Variants in PHKG1 observed in about 807,000 individuals in gnomAD.
The protein encoded by PHKG1 is phosphorylase b kinase gamma catalytic chain, skeletal muscle/heart isoform.
PHKG1 carries 48 observed loss-of-function variants against 50.5 expected under a neutral mutation model. The observed-to-expected ratio is 0.95, with a 90% CI of 0.75 to 1.21. PHKG1 has a LOEUF of 1.21. Ranked by LOEUF, PHKG1 falls within the 50% of genes most tolerant of loss-of-function variation. The probability of loss-of-function intolerance (pLI) is 0.00; values close to 1 mark genes in which losing one functional copy is unlikely to be tolerated. For missense variants in PHKG1, 487 were observed against 519.5 expected (o/e 0.94, Z 0.61); for synonymous variants, 204 against 212.8 (o/e 0.96, Z 0.36).
intron 1 of PHKG1, among the ~76,000 whole-genome samples, chr7:56,091,009 C>G (rs180727861): frequency 8.4e-4 from 128 of 152,014 alleles, no homozygotes; most frequent in African/African-American, 3.0e-3. Flanking sequence ...GTCAGGAGTT[C>G]GAGACCAGCC....
Position 56,081,342 on chromosome 7 carries a change from G to T in PHKG1, c.919-43C>A, listed in dbSNP as rs754561688. 3.2e-6 allele frequency: 5 copies of T among 1,563,524 alleles called. No individual in the cohort carries two copies. Among genetic ancestry groups the T allele is most frequent in the South Asian group, 1.1e-5 (1 of 87,910 alleles). On this transcript the variant is annotated intron_variant, in intron 9 of 9. Transcript: ENST00000297373. The surrounding 1 kb of genome is among the most constrained non-coding windows in gnomAD (Gnocchi z 4.6). ...GAAGCTGGGCTGCAGCCCCCGCCCT[G>T]CCAGGCCCTGCCCCTCCAGCACAGG... is the stretch of plus-strand genomic sequence containing the variant.
Position 56,080,756 on chromosome 7 carries a change from A to T in PHKG1, c.*298T>A. 6.8e-6 allele frequency: 3 copies of T among 440,278 alleles called. No individual in the cohort carries two copies. The South Asian group carries it at 7.8e-5, about 11-fold the overall frequency. 27.3% of individuals were successfully genotyped at this position (440,278 alleles called of 1,614,324 possible). A position where few individuals can be genotyped will look rare whatever the true frequency, so the allele number is the denominator to read the frequency against. On this transcript the variant is annotated 3_prime_UTR_variant, in exon 10 of 10. Coordinates refer to ENST00000297373, the MANE Select transcript of PHKG1 (RefSeq NM_006213.5). ...AACTCTGGGCCTCCCCTAAAGAGAA[A>T]TGGAGATGGTGGCTCATCTAGGAAG...
intron 4 of PHKG1, among the ~76,000 whole-genome samples, chr7:56,086,475 G>GT (rs1024628424): frequency 2.7e-4 from 41 of 151,722 alleles, no homozygotes; most frequent in African/African-American, 8.7e-4. Flanking sequence ...GAGTTTTGGG[G>GT]TTTTTTTTGT....
chr7:56,084,158 C>T, intron 4 of PHKG1: 1 of 1,528,492 alleles, frequency 6.5e-7, no homozygotes, highest in Non-Finnish European at 8.8e-7. Flanking sequence ...CCTTGCCCTG[C>T]CCTGGGCCCT....
At chr7:56,087,918 G>T in intron 2 of PHKG1, 142 bp from the exon 3 acceptor site, 1 of 629,338 alleles carries the variant, frequency 1.6e-6, no homozygotes, top group Non-Finnish European at 2.7e-6. Context: ...GGAAATGGTG[G>T]ATGAATAAAT....
intron 4 of PHKG1, among the ~76,000 whole-genome samples, chr7:56,084,902 T>G (rs1393574883): frequency 6.6e-6 from 1 of 152,168 alleles, no homozygotes; most frequent in Non-Finnish European, 1.5e-5. Flanking sequence ...TAAAGACATT[T>G]GAGCTGTCCC....
chr7:56,090,243 A>G (rs190854761), intron 1 of PHKG1, among the ~76,000 whole-genome samples: 5 of 152,090 alleles, frequency 3.3e-5, no homozygotes, highest in Admixed American at 6.6e-5. Context: ...AGCCTCCAGA[A>G]TAGCTGGGAT....
Position 56,081,848 on chromosome 7 carries a change from G to T in PHKG1, c.792+45C>A. ...GGGCCTCCCCGGGCAGGGGCGCCTGGCATCGCAGCCCTGAGCCCAGGAGCC... is the reference window on the plus strand; with the variant it reads ...GGGCCTCCCCGGGCAGGGGCGCCTGTCATCGCAGCCCTGAGCCCAGGAGCC... On this transcript the variant is annotated intron_variant, in intron 8 of 9. Coordinates refer to ENST00000297373, the MANE Select transcript of PHKG1 (RefSeq NM_006213.5). The surrounding 1 kb of genome is among the most constrained non-coding windows in gnomAD (Gnocchi z 4.6). 1 of 1,609,904 alleles carries T rather than the reference G, an allele frequency of 6.2e-7. No homozygotes were observed. Among genetic ancestry groups the T allele is most frequent in the South Asian group, 1.1e-5 (1 of 90,904 alleles).
chr7:56,091,150 T>C (rs1382151352), intron 1 of PHKG1, among the ~76,000 whole-genome samples: 2 of 148,098 alleles, frequency 1.4e-5, no homozygotes, highest in African/African-American at 5.0e-5. Context: ...GGAGGTGGGG[T>C]TGCAGTGAGC....
At chr7:56,082,131 G>A in intron 7 of PHKG1, 32 bp downstream of exon 7, 3 of 1,612,450 alleles carry the variant, frequency 1.9e-6, no homozygotes, top group Non-Finnish European at 2.5e-6. Context: ...GCCCAGCCTA[G>A]CTGGGTGCTC....
intron 3 of PHKG1, 123 bp from the exon 4 acceptor site, chr7:56,087,147 G>A: frequency 1.3e-6 from 1 of 744,822 alleles, no homozygotes; most frequent in South Asian, 1.5e-5. Flanking sequence ...GGGGAATCAG[G>A]AGGGTGCTCA....
At chr7:56,085,584 C>T (rs1267835984) in intron 4 of PHKG1, among the ~76,000 whole-genome samples, 1 of 152,186 alleles carries the variant, frequency 6.6e-6, no homozygotes, top group Non-Finnish European at 1.5e-5. Context: ...ACCTCTACCA[C>T]CTGCCTCTCT....
At chr7:56,092,666 C>G (rs1403936200) in intron 1 of PHKG1, among the ~76,000 whole-genome samples, 170 bp downstream of exon 1, 1 of 152,130 alleles carries the variant, frequency 6.6e-6, no homozygotes, top group Non-Finnish European at 1.5e-5. Flanking sequence ...TAGAAAATTC[C>G]TGCAGATGGA....
intron 1 of PHKG1, among the ~76,000 whole-genome samples, chr7:56,092,311 C>T (rs1037911864): frequency 2.6e-5 from 4 of 152,140 alleles, no homozygotes; most frequent in East Asian, 1.9e-4. Context: ...CTCGCTCTGT[C>T]GCCCAGGCTG....
At chr7:56,085,652 T>C (rs975340531) in intron 4 of PHKG1, among the ~76,000 whole-genome samples, 1 of 152,078 alleles carries the variant, frequency 6.6e-6, no homozygotes, top group African/African-American at 2.4e-5. Context: ...CGTCCCTAGA[T>C]AGTCAGTGAG....
In PHKG1 at chr7:56,081,148, T is replaced by A; in HGVS notation, c.1070A>T (p.His357Leu). 6.2e-7 allele frequency: 1 copy of A among 1,613,754 alleles called. No homozygotes were observed. The highest frequency in any genetic ancestry group is 2.2e-5 in the East Asian group (1 of 44,876). Residue 357 changes from histidine (H) to leucine (L), a missense_variant, in exon 10 of 10, where the codon CAC (histidine) becomes CTC (leucine). Physicochemically the swap from His to Leu is moderately conservative, Grantham distance 99. Coordinates refer to ENST00000297373, the MANE Select transcript of PHKG1 (RefSeq NM_006213.5). This position sits in a 1 kb window ranked among gnomAD's most constrained non-coding sequence, Gnocchi z 4.6. ...CTGCTGCTGCCCCTTCTTCACCCAGTGGCCATAGATTCGGAAAGCGTAGGC... is the reference window on the plus strand; with the variant it reads ...CTGCTGCTGCCCCTTCTTCACCCAGAGGCCATAGATTCGGAAAGCGTAGGC... Reference protein sequence around the residue: ...IDAYAFRIYGHWVKKGQQQNR... With the variant: ...IDAYAFRIYGLWVKKGQQQNR...
chr7:56,082,273 C>G lies in PHKG1; in HGVS notation c.548-20G>C. On this transcript the variant is annotated intron_variant, in intron 6 of 9. Coordinates refer to ENST00000297373, the MANE Select transcript of PHKG1 (RefSeq NM_006213.5). ...AGACCTCTGCAGGAACAGTCATCAT[C>G]AGGGCAGGTCAGCAGGGCACTCAGA... 1 of 1,592,704 alleles carries G rather than the reference C, an allele frequency of 6.3e-7. No individual in the cohort carries two copies. The highest frequency in any genetic ancestry group is 1.1e-5 in the South Asian group (1 of 90,504).
chr7:56,087,803 CGGGGGGCCCCTCACCCCATG>C (rs775389975), intron 2 of PHKG1, 27 bp from the exon 3 acceptor site: 3 of 1,591,106 alleles, frequency 1.9e-6, no homozygotes, highest in Non-Finnish European at 2.6e-6. Context: ...CAGATGGCCT[CGGGGGGCCCCTCACCCCATG>C]GGGGGTCCCA....
chr7:56,081,825 G>C lies in PHKG1; in HGVS notation c.792+68C>G. Reference sequence around the variant, plus strand: ...CCTCCAGCATGTCAGGAAAGGCAGGGCCTCCCCGGGCAGGGGCGCCTGGCA... The same window carrying C: ...CCTCCAGCATGTCAGGAAAGGCAGGCCCTCCCCGGGCAGGGGCGCCTGGCA... On this transcript the variant is annotated intron_variant, in intron 8 of 9. Coordinates refer to ENST00000297373, the MANE Select transcript of PHKG1 (RefSeq NM_006213.5). The surrounding 1 kb of genome is among the most constrained non-coding windows in gnomAD (Gnocchi z 4.6). 1 of 1,608,474 alleles carries C rather than the reference G, an allele frequency of 6.2e-7. No homozygotes were observed. The highest frequency in any genetic ancestry group is 8.5e-7 in the Non-Finnish European group (1 of 1,176,896).
Sources: gnomAD v4.1 joint callset for allele counts (sites outside exome capture counted in the v4.1 genomes callset) on GRCh38, gnomAD v4.1.1 for gene constraint, Gnocchi (gnomAD v3.1) non-coding constraint, MANE v1.5 for transcripts, NCBI Gene and HGNC (gene_info 2026-07-23, HGNC 2026-07-21) for gene names.